MBTPS1: variants seen among roughly 807,000 people sequenced by gnomAD.
MBTPS1 encodes the protein membrane-bound transcription factor site-1 protease.
MBTPS1 carries 94 observed loss-of-function variants against 127.8 expected under a neutral mutation model. The ratio of observed to expected loss-of-function variants is 0.74; its 90% CI spans 0.62 to 0.87. The LOEUF (loss-of-function observed/expected upper bound fraction) is 0.87, where lower values mean the gene tolerates loss of function less well. Among genes scored for constraint, MBTPS1 ranks in the 40% least tolerant of loss-of-function variants. MBTPS1 has a pLI of 0.00. For synonymous variants in MBTPS1, 632 were observed against 509.4 expected (o/e 1.24, Z -3.24); for missense variants, 1,636 against 1,353.2 (o/e 1.21, Z -3.28).
intron 14 of MBTPS1, among the ~76,000 whole-genome samples, chr16:84,069,381 TAGGC>T (rs1203821976): frequency 6.6e-6 from 1 of 152,158 alleles, no homozygotes; most frequent in African/African-American, 2.4e-5. Flanking sequence ...GAAGTCAGAA[TAGGC>T]AGTCACTGGA....
Position 84,102,066 on chromosome 16 carries a change from C to A in MBTPS1, c.-283G>T. ...CTGTACTCCATTTGTACCACAGAAC[C>A]AACGTCCAATGGGGTTGATCAATCA... is the stretch of plus-strand genomic sequence containing the variant. On this transcript the variant is annotated 5_prime_UTR_variant, in exon 2 of 23. Transcript: ENST00000343411. 3.2e-6 allele frequency: 1 copy of A among 314,780 alleles called. No homozygotes were observed. The highest frequency in any genetic ancestry group is 5.9e-6 in the Non-Finnish European group (1 of 168,954). The allele number at this position is 314,780 out of a possible 1,614,324, so 19.5% of individuals were successfully genotyped here. A position where few individuals can be genotyped will look rare whatever the true frequency, so the allele number is the denominator to read the frequency against.
At chr16:84,107,474 C>T (rs1383220335) in intron 1 of MBTPS1, among the ~76,000 whole-genome samples, 1 of 152,114 alleles carries the variant, frequency 6.6e-6, no homozygotes, top group Non-Finnish European at 1.5e-5. Flanking sequence ...AAAAGGTGAG[C>T]TAAAATCCAG....
intron 11 of MBTPS1, chr16:84,075,444 C>T (rs2085841167): frequency 6.6e-6 from 1 of 152,288 alleles, no homozygotes; most frequent in Admixed American, 6.5e-5. Flanking sequence ...CACATCACTC[C>T]TAGTGCAGCA....
At chr16:84,057,205 C>T (rs2085535359) in intron 21 of MBTPS1, 1 of 152,258 alleles carries the variant, frequency 6.6e-6, no homozygotes, top group Admixed American at 6.5e-5. Flanking sequence ...CCAATGAGCA[C>T]TCATTATAAC....
chr16:84,113,449 G>A (rs542605968), intron 1 of MBTPS1, among the ~76,000 whole-genome samples: 3 of 152,254 alleles, frequency 2.0e-5, no homozygotes, highest in African/African-American at 7.2e-5. Flanking sequence ...AAAAGACACC[G>A]TTCAAATTAT....
chr16:84,063,750 T>TA (rs897968447), intron 18 of MBTPS1, among the ~76,000 whole-genome samples: 23 of 149,020 alleles, frequency 1.5e-4, no homozygotes, highest in Admixed American at 2.7e-4. Flanking sequence ...GCCTCTATCT[T>TA]AAAAAAAAAA....
At chr16:84,078,184 C>T (rs116406683) in intron 11 of MBTPS1, among the ~76,000 whole-genome samples, 2,655 of 152,282 alleles carry the variant, frequency 0.017, 33 homozygotes, top group African/African-American at 0.029. Flanking sequence ...ATGCTCTCAA[C>T]GCTGACCAGC....
intron 10 of MBTPS1, among the ~76,000 whole-genome samples, chr16:84,082,996 C>A (rs1476018052): frequency 1.3e-5 from 2 of 152,168 alleles, no homozygotes; most frequent in Non-Finnish European, 2.9e-5. Context: ...GACTGAAAGG[C>A]TTCCTTGTTG....
chr16:84,115,748 A>G (rs2086465549), intron 1 of MBTPS1, among the ~76,000 whole-genome samples: 1 of 152,162 alleles, frequency 6.6e-6, no homozygotes. Context: ...ATTGACTACA[A>G]CTGGGCATCA....
In MBTPS1 at chr16:84,074,685, G is replaced by C. The variant is rs1442582036; in HGVS notation, c.1505C>G (p.Ser502Cys). Residue 502 changes from serine (S) to cysteine (C), a missense_variant, in exon 12 of 23, where the codon TCC becomes TGC. Ser to Cys is a moderately radical substitution (Grantham distance 112, BLOSUM62 -1). Coordinates refer to ENST00000343411, the MANE Select transcript of MBTPS1 (RefSeq NM_003791.4). ...TECPYMWPYC[S>C]QPIYYGGMPT... ...CATTCCTCCATAGTAGATGGGCTGG[G>C]AGCAGTAGGGCCACATGTAGGGACA... 6.2e-7 allele frequency: 1 copy of C among 1,614,148 alleles called. No individual in the cohort carries two copies. Among genetic ancestry groups the C allele is most frequent in the Non-Finnish European group, 8.5e-7 (1 of 1,179,986 alleles).
rs1351328955 is a variant in MBTPS1, at chr16:84,059,323, G to A, written c.2810C>T (p.Pro937Leu). The A allele has an allele frequency of 2.5e-6, 4 of 1,613,922 alleles. No individual in the cohort carries two copies. The highest frequency in any genetic ancestry group is 1.6e-4 in the Middle Eastern group (1 of 6,080). Residue 937 changes from proline to leucine, a missense_variant, in exon 21 of 23, where the codon CCT (proline) becomes CTT (leucine). Transcript: ENST00000343411. ...CPRLSWAKPQ[P>L]LNETAPSNLW... is the part of the protein sequence containing the mutation. ...TAACCTGGGCGCCGTCTCGTTTAAA[G>A]GCTGTGGCTTGGCCCAAGACAAGCG...
chr16:84,104,340 TA>T (rs2086295315), intron 1 of MBTPS1, among the ~76,000 whole-genome samples: 1 of 151,882 alleles, frequency 6.6e-6, no homozygotes, highest in South Asian at 2.1e-4. Flanking sequence ...AAAAATTAGC[TA>T]GGCATGGTGG....
intron 10 of MBTPS1, among the ~76,000 whole-genome samples, chr16:84,083,963 A>G (rs899153616): frequency 3.3e-5 from 5 of 152,204 alleles, no homozygotes; most frequent in Non-Finnish European, 7.4e-5. Flanking sequence ...AACTTTATTG[A>G]TTGATTGGCT....
chr16:84,103,532 A>G (rs2086285736), intron 1 of MBTPS1, among the ~76,000 whole-genome samples: 1 of 152,262 alleles, frequency 6.6e-6, no homozygotes, highest in Non-Finnish European at 1.5e-5. Context: ...GATTACAGAC[A>G]AGAGCCGCCA....
chr16:84,087,531 T>C (rs1295795063), intron 8 of MBTPS1, 71 bp from the exon 9 acceptor site: 1 of 1,027,450 alleles, frequency 9.7e-7, no homozygotes, highest in East Asian at 2.5e-5. Flanking sequence ...TTAAAATGGA[T>C]GATTCAAACC....
intron 14 of MBTPS1, among the ~76,000 whole-genome samples, chr16:84,068,818 G>C (rs1418907907): frequency 6.6e-6 from 1 of 152,266 alleles, no homozygotes; most frequent in Non-Finnish European, 1.5e-5. Flanking sequence ...CCGCGGGAGT[G>C]CAGGGACGCT....
Position 84,099,298 on chromosome 16 carries a change from G to A in MBTPS1, c.176C>T (p.Ala59Val). The part of the protein sequence containing the change: ...STVVEYEYIV[A>V]FNGYFTAKAR... Reference sequence around the variant, plus strand: ...TTTGGCTGTAAAGTATCCATTGAAAGCCACAATATATTCTGAAACCAATCA... The same window carrying A: ...TTTGGCTGTAAAGTATCCATTGAAAACCACAATATATTCTGAAACCAATCA... The change falls in exon 3 of 23, where the codon GCT (alanine) becomes GTT (valine). Residue 59 changes from alanine to valine, a missense_variant. Transcript: ENST00000343411. 2 of 1,613,768 alleles carry A rather than the reference G, an allele frequency of 1.2e-6. No homozygotes were observed. Among genetic ancestry groups the A allele is most frequent in the Non-Finnish European group, 1.7e-6 (2 of 1,179,936 alleles).
intron 7 of MBTPS1, among the ~76,000 whole-genome samples, chr16:84,091,376 C>T (rs2086104397): frequency 6.6e-6 from 1 of 150,814 alleles, no homozygotes; most frequent in African/African-American, 2.4e-5. Context: ...ATCCCGGCTA[C>T]TTGGGAGGCT....
At position 84,101,912 on chromosome 16, in the gene MBTPS1, C is replaced by G; in HGVS notation, c.-129G>C. The G allele has an allele frequency of 3.7e-6, 3 of 819,380 alleles. No individual in the cohort carries two copies. The highest frequency in any genetic ancestry group is 2.7e-4 in the Middle Eastern group (1 of 3,760). The allele number at this position is 819,380 out of a possible 1,614,324, so 50.8% of individuals were successfully genotyped here. On this transcript the variant is annotated 5_prime_UTR_variant, in exon 2 of 23. Transcript: ENST00000343411. ...TAATCAGCCATCTTACAGTCTTGCC[C>G]AACATAAATAAAAGTTAAATCCCAT...
Sources: gnomAD v4.1 joint callset for allele counts (sites outside exome capture counted in the v4.1 genomes callset) on GRCh38, gnomAD v4.1.1 for gene constraint, MANE v1.5 for transcripts, NCBI Gene and HGNC (gene_info 2026-07-23, HGNC 2026-07-21) for gene names.